Variants in PPFIBP1 observed in about 807,000 individuals in gnomAD.
PPFIBP1 encodes the protein liprin-beta-1.
In PPFIBP1, 112 loss-of-function variants were observed where a neutral mutation model predicts 137.8. The observed-to-expected ratio is 0.81, with a 90% CI of 0.70 to 0.95. The LOEUF (loss-of-function observed/expected upper bound fraction) is 0.95, where lower values mean the gene tolerates loss of function less well. PPFIBP1 is among the 40% of genes least tolerant of loss of function. PPFIBP1 has a pLI of 0.00. For synonymous variants in PPFIBP1, 378 were observed against 417.3 expected, an observed-to-expected ratio of 0.91 and a Z score of 1.15; for missense variants, 1,083 against 1,196.6, an observed-to-expected ratio of 0.91 and a Z score of 1.40.
At chr12:27,590,935 A>T (rs1487350221) in intron 2 of PPFIBP1, among the ~76,000 whole-genome samples, 1 of 152,234 alleles carries the variant, frequency 6.6e-6, no homozygotes, top group Non-Finnish European at 1.5e-5. Context: ...GTTGGGGAAC[A>T]GGAAGCCTTT....
At position 27,692,469 on chromosome 12, in the gene PPFIBP1, C is replaced by T. The variant is rs373826019; in HGVS notation, c.2866-122C>T. ...AAAGGAGATTATCACCAGAAGTGTTCTGTTGCTCTTACCCCATTCAGTGCT... is the reference window on the plus strand; with the variant it reads ...AAAGGAGATTATCACCAGAAGTGTTTTGTTGCTCTTACCCCATTCAGTGCT... On this transcript the variant is annotated intron_variant, in intron 28 of 29. Transcript: ENST00000228425. The T allele has an allele frequency of 2.1e-5, 18 of 856,950 alleles. 2 individuals carry two copies. The highest frequency in any genetic ancestry group is 2.0e-4 in the African/African-American group (12 of 59,434). 53.1% of individuals were successfully genotyped at this position (856,950 alleles called of 1,614,324 possible).
At chr12:27,575,833 A>G (rs545144262) in intron 1 of PPFIBP1, among the ~76,000 whole-genome samples, 2 of 152,168 alleles carry the variant, frequency 1.3e-5, no homozygotes, top group Non-Finnish European at 2.9e-5. Context: ...GCGAGTGGCT[A>G]TGTTGGTTAG....
At chr12:27,539,896 G>A (rs895350306) in intron 1 of PPFIBP1, among the ~76,000 whole-genome samples, 10 of 151,870 alleles carry the variant, frequency 6.6e-5, no homozygotes, top group East Asian at 1.9e-4. Flanking sequence ...AATATTCTGC[G>A]TATGTAATTT....
At position 27,600,360 on chromosome 12, in the gene PPFIBP1, C is replaced by T. The variant is rs542931839; in HGVS notation, c.-36+22121C>T. 7.3e-5 allele frequency among the ~76,000 whole-genome samples: 11 copies of T among 151,156 alleles called. No individual in the cohort carries two copies. In the East Asian group the frequency reaches 1.4e-3, roughly 19 times the overall value. ...CTAAGGCAGGGGAATCACTTGAACC[C>T]GGGAGGCAGAAGTTGCAGTGAGCTG... On this transcript the variant is annotated intron_variant, in intron 2 of 29. Coordinates refer to ENST00000228425, the MANE Select transcript of PPFIBP1 (RefSeq NM_003622.4).
chr12:27,576,445 T>C (rs2050566794), intron 1 of PPFIBP1, among the ~76,000 whole-genome samples: 1 of 152,148 alleles, frequency 6.6e-6, no homozygotes, highest in Non-Finnish European at 1.5e-5. Flanking sequence ...AGCCTCCCCC[T>C]GCAGCCTAAT....
intron 25 of PPFIBP1, 66 bp from the exon 26 acceptor site, chr12:27,688,232 T>C (rs1156366337): frequency 6.4e-7 from 1 of 1,560,506 alleles, no homozygotes; most frequent in Non-Finnish European, 8.7e-7. Flanking sequence ...CTGTACTCCA[T>C]GGAGCAGACT....
intron 6 of PPFIBP1, among the ~76,000 whole-genome samples, chr12:27,648,725 A>G (rs960137875): frequency 6.6e-6 from 1 of 152,242 alleles, no homozygotes; most frequent in Non-Finnish European, 1.5e-5. Context: ...GAAGGTCATT[A>G]TGTGTGAAAT....
intron 1 of PPFIBP1, among the ~76,000 whole-genome samples, chr12:27,546,116 C>G (rs1411846028): frequency 6.6e-6 from 1 of 152,102 alleles, no homozygotes; most frequent in Non-Finnish European, 1.5e-5. Context: ...GTGGGAGTCA[C>G]AAAGGGAGGA....
At chr12:27,551,722 A>G (rs966162493) in intron 1 of PPFIBP1, among the ~76,000 whole-genome samples, 3 of 152,156 alleles carry the variant, frequency 2.0e-5, no homozygotes, top group Non-Finnish European at 2.9e-5. Context: ...TTGGCTTTTC[A>G]TGTTCGTCTT....
At chr12:27,618,354 C>T (rs927990209) in intron 2 of PPFIBP1, among the ~76,000 whole-genome samples, 4 of 152,148 alleles carry the variant, frequency 2.6e-5, no homozygotes, top group African/African-American at 7.2e-5. Context: ...ACTCATTATT[C>T]CCTCTTCCTT....
At chr12:27,677,199 T>A in intron 19 of PPFIBP1, 103 bp downstream of exon 19, 1 of 1,392,710 alleles carries the variant, frequency 7.2e-7, no homozygotes, top group Non-Finnish European at 1.0e-6. Flanking sequence ...CTGACAGCAA[T>A]CAGAAAATGT....
intron 12 of PPFIBP1, 132 bp downstream of exon 12, chr12:27,664,578 C>T (rs2059743855): frequency 1.6e-6 from 1 of 617,148 alleles, no homozygotes; most frequent in South Asian, 1.8e-5. Context: ...GTTAATTGAA[C>T]AATTAGGCAA....
Position 27,682,513 on chromosome 12 carries a change from T to C in PPFIBP1, c.2158+15T>C. 1 of 1,607,564 alleles carries C rather than the reference T, an allele frequency of 6.2e-7. No individual in the cohort carries two copies. Among genetic ancestry groups the C allele is most frequent in the South Asian group, 1.1e-5 (1 of 90,404 alleles). ...CTGGGTCACTAGTAAGAAGTTTTTA[T>C]TCTAACAAAATGAAATAATTATATA... On this transcript the variant is annotated intron_variant, in intron 23 of 29. Transcript: ENST00000228425.
chr12:27,625,188 T>C (rs2138704977), intron 2 of PPFIBP1, among the ~76,000 whole-genome samples: 1 of 152,204 alleles, frequency 6.6e-6, no homozygotes, highest in Admixed American at 6.5e-5. Context: ...AGGTTGAGGC[T>C]GCAGTGAGCC....
intron 2 of PPFIBP1, among the ~76,000 whole-genome samples, chr12:27,590,009 C>CT (rs55946484): frequency 0.033 from 5,024 of 152,252 alleles, 122 homozygotes; most frequent in South Asian, 0.049. Context: ...CACTCCTGTT[C>CT]TTGACCCTAC....
chr12:27,627,014 G>A (rs1403012672), intron 2 of PPFIBP1, among the ~76,000 whole-genome samples: 3 of 152,170 alleles, frequency 2.0e-5, no homozygotes, highest in Admixed American at 6.5e-5. Flanking sequence ...TGGGGTACAT[G>A]AGATATTTTG....
At position 27,545,003 on chromosome 12, in the gene PPFIBP1, G is replaced by A. The variant is rs374970186; in HGVS notation, c.-124+20638G>A. Among the ~76,000 whole-genome samples the A allele has an allele frequency of 1.2e-4, 19 of 152,304 alleles. No homozygotes were observed. In the South Asian group the frequency reaches 3.5e-3, roughly 28 times the overall value. On this transcript the variant is annotated intron_variant, in intron 1 of 29. Coordinates refer to ENST00000228425, the MANE Select transcript of PPFIBP1 (RefSeq NM_003622.4). ...CCAACCCAAATGCCCATCAATGATAGACTAGATAAAGAAAATGTGGCACAT... is the reference window on the plus strand; with the variant it reads ...CCAACCCAAATGCCCATCAATGATAAACTAGATAAAGAAAATGTGGCACAT...
chr12:27,551,827 C>T (rs949733803), intron 1 of PPFIBP1, among the ~76,000 whole-genome samples: 3 of 152,200 alleles, frequency 2.0e-5, no homozygotes, highest in African/African-American at 7.2e-5. Flanking sequence ...TGAAATAAAA[C>T]AGTATGTTTA....
intron 2 of PPFIBP1, among the ~76,000 whole-genome samples, chr12:27,606,266 T>TA (rs1340515454): frequency 6.6e-6 from 1 of 152,240 alleles, no homozygotes; most frequent in Non-Finnish European, 1.5e-5. Flanking sequence ...TTCTATTGTA[T>TA]AATGTGTTTT....
Sources: gnomAD v4.1 joint callset for allele counts (sites outside exome capture counted in the v4.1 genomes callset) on GRCh38, gnomAD v4.1.1 for gene constraint, MANE v1.5 for transcripts, NCBI Gene and HGNC (gene_info 2026-07-23, HGNC 2026-07-21) for gene names.